Variants in ACTR3C observed in about 807,000 individuals in gnomAD.
The protein encoded by ACTR3C is actin-related protein 3C.
In ACTR3C, 18 loss-of-function variants were observed where a neutral mutation model predicts 26.3. That is an observed-to-expected ratio of 0.68 (90% CI 0.47 to 1.01). The LOEUF is 1.01. Among genes scored for constraint, ACTR3C ranks in the 50% least tolerant of loss-of-function variants. The probability of loss-of-function intolerance (pLI) is 0.00; values close to 1 mark genes in which losing one functional copy is unlikely to be tolerated. For synonymous variants in ACTR3C, 55 were observed against 94.5 expected (o/e 0.58, Z 2.42); for missense variants, 184 against 250.7 (o/e 0.73, Z 1.80).
chr7:149,970,763 C>A, the ACTR3C span, among the ~76,000 whole-genome samples: 1 of 152,128 alleles, frequency 6.6e-6, no homozygotes, highest in Non-Finnish European at 1.5e-5. Flanking sequence ...TCTCCCAGAA[C>A]CAAAATGAAT....
chr7:150,149,114 T>C, the ACTR3C span, among the ~76,000 whole-genome samples: 1 of 108,912 alleles, frequency 9.2e-6, no homozygotes, highest in African/African-American at 3.7e-5. Context: ...TATATATATA[T>C]ATATATATAT....
At position 150,257,395 on chromosome 7, in the gene ACTR3C, G is replaced by A. The variant is rs140940186; in HGVS notation, c.565-8341C>T. 9.9e-3 allele frequency among the ~76,000 whole-genome samples: 1,508 copies of A among 152,330 alleles called. 25 individuals carry two copies. Among genetic ancestry groups the A allele is most frequent in the African/African-American group, 0.035 (1,440 of 41,560 alleles). ...ATGCATGGCTGAGGTCACTGCTCAG[G>A]TGAGAAAAGGACTGAGACCAGAGAC... is the stretch of plus-strand genomic sequence containing the variant. On this transcript the variant is annotated intron_variant, in intron 6 of 7. Coordinates refer to ENST00000683684, the MANE Select transcript of ACTR3C (RefSeq NM_001164458.2).
the ACTR3C span, among the ~76,000 whole-genome samples, chr7:150,061,510 A>G: frequency 8.9e-6 from 1 of 112,274 alleles, no homozygotes; most frequent in African/African-American, 3.2e-5. Flanking sequence ...CTCTCATCCC[A>G]TGAAGGGTTT....
chr7:150,158,954 GGTACACACGTGC>G, the ACTR3C span, among the ~76,000 whole-genome samples: 1 of 128,270 alleles, frequency 7.8e-6, no homozygotes, highest in Non-Finnish European at 1.6e-5. Context: ...GGCACACACA[GGTACACACGTGC>G]GCACACACAG....
At chr7:150,124,522 C>T in the ACTR3C span, among the ~76,000 whole-genome samples, 2 of 152,218 alleles carry the variant, frequency 1.3e-5, no homozygotes, top group African/African-American at 4.8e-5. Flanking sequence ...ATAAAGCTGT[C>T]TCAGATGTTT....
the ACTR3C span, among the ~76,000 whole-genome samples, chr7:149,917,635 C>CTTTTTTTT: frequency 8.2e-4 from 77 of 93,632 alleles, 2 homozygotes; most frequent in African/African-American, 2.7e-3. Flanking sequence ...TGTTTTACAT[C>CTTTTTTTT]TTTTTTTTTT....
the ACTR3C span, among the ~76,000 whole-genome samples, chr7:149,998,244 A>G: frequency 9.2e-5 from 14 of 151,358 alleles, no homozygotes; most frequent in African/African-American, 2.2e-4. Flanking sequence ...TCCAGACCAT[A>G]GTGTGTTAGA....
the ACTR3C span, among the ~76,000 whole-genome samples, chr7:150,059,684 T>C: frequency 6.6e-6 from 1 of 152,204 alleles, no homozygotes. Context: ...ATCTGCACTT[T>C]ATATTTAGGT....
the ACTR3C span, among the ~76,000 whole-genome samples, chr7:150,154,133 T>C: frequency 2.7e-5 from 4 of 145,970 alleles, no homozygotes; most frequent in African/African-American, 5.1e-5. Context: ...AAATGACGAG[T>C]TAATGGGTGC....
the ACTR3C span, among the ~76,000 whole-genome samples, chr7:149,962,557 C>T: frequency 6.6e-6 from 1 of 152,044 alleles, no homozygotes; most frequent in East Asian, 1.9e-4. Flanking sequence ...CTGTGGGCAG[C>T]GCTGTACCAC....
chr7:149,943,517 A>T, the ACTR3C span, among the ~76,000 whole-genome samples: 1 of 151,350 alleles, frequency 6.6e-6, no homozygotes, highest in African/African-American at 2.5e-5. Flanking sequence ...GCCTGAGATC[A>T]GGAGTTTGAG....
the ACTR3C span, among the ~76,000 whole-genome samples, chr7:149,962,972 C>T: frequency 3.3e-5 from 5 of 152,226 alleles, no homozygotes; most frequent in Non-Finnish European, 7.3e-5. Context: ...CAAGTTTCCA[C>T]AAAGTCTGGT....
intron 6 of ACTR3C, among the ~76,000 whole-genome samples, chr7:150,279,079 G>T (rs1192934021): frequency 1.3e-5 from 2 of 152,198 alleles, no homozygotes; most frequent in African/African-American, 4.8e-5. Flanking sequence ...GAGGCAGGAT[G>T]ATCACTTGAG....
intron 4 of ACTR3C, among the ~76,000 whole-genome samples, chr7:150,287,630 C>T (rs1035141442): frequency 2.4e-4 from 37 of 152,270 alleles, no homozygotes; most frequent in Middle Eastern, 3.4e-3. Flanking sequence ...CCTCCAAAGA[C>T]GCTCTCGTGG....
chr7:150,043,815 G>C, the ACTR3C span, among the ~76,000 whole-genome samples: 1 of 151,906 alleles, frequency 6.6e-6, no homozygotes, highest in Non-Finnish European at 1.5e-5. Context: ...TAATAGAGTA[G>C]AGTATATAAA....
chr7:150,286,663 A>G, intron 4 of ACTR3C, 123 bp from the exon 5 acceptor site: 1 of 1,303,614 alleles, frequency 7.7e-7, no homozygotes, highest in Non-Finnish European at 1.0e-6. Flanking sequence ...CCCCACCGTT[A>G]CTCTAGTGTG....
intron 6 of ACTR3C, among the ~76,000 whole-genome samples, chr7:150,257,186 AG>A (rs1833279624): frequency 6.6e-6 from 1 of 152,254 alleles, no homozygotes; most frequent in Non-Finnish European, 1.5e-5. Context: ...CATTAAAAAA[AG>A]ACCTTGCAGA....
At chr7:150,047,525 C>G in the ACTR3C span, 26 of 766,600 alleles carry the variant, frequency 3.4e-5, no homozygotes, top group East Asian at 7.3e-4. Flanking sequence ...TTCCCCCCCC[C>G]ACAGATGCCC....
At chr7:149,956,082 G>T in the ACTR3C span, among the ~76,000 whole-genome samples, 31 of 152,096 alleles carry the variant, frequency 2.0e-4, 1 homozygote, top group Admixed American at 7.9e-4. Flanking sequence ...CTTCCAAAAA[G>T]GTTTTGAGGC....
Sources: gnomAD v4.1 joint callset for allele counts (sites outside exome capture counted in the v4.1 genomes callset) on GRCh38, gnomAD v4.1.1 for gene constraint, MANE v1.5 for transcripts, NCBI Gene and HGNC (gene_info 2026-07-23, HGNC 2026-07-21) for gene names.